TRAPPC9: variants seen among roughly 807,000 people sequenced by gnomAD.
TRAPPC9 encodes IKK2 binding protein.
A neutral mutation model predicts 124.0 loss-of-function variants in TRAPPC9; 83 were observed. That is an observed-to-expected ratio of 0.67 (90% CI 0.56 to 0.80). The LOEUF is 0.80. Ranked by LOEUF, TRAPPC9 falls within the 30% of genes least tolerant of loss-of-function variation. The pLI, the probability that TRAPPC9 is intolerant of heterozygous loss-of-function variation, is 0.00. For missense variants in TRAPPC9, 1,302 were observed against 1,508.3 expected (o/e 0.86, Z 2.27); for synonymous variants, 638 against 617.5 (o/e 1.03, Z -0.49).
intron 5 of TRAPPC9, among the ~76,000 whole-genome samples, chr8:140,413,852 A>G (rs1046967339): frequency 1.3e-5 from 2 of 151,654 alleles, no homozygotes; most frequent in Non-Finnish European, 2.9e-5. Context: ...ATCATTTTTT[A>G]TGGCTGCATA....
At chr8:140,426,771 A>T in intron 4 of TRAPPC9, 130 bp from the exon 5 acceptor site, 3 of 855,414 alleles carry the variant, frequency 3.5e-6, no homozygotes, top group Non-Finnish European at 5.8e-6. Context: ...CAGAAAAGCA[A>T]TTCTGAGGAA....
At chr8:139,780,461 AC>A (rs1821727168) in intron 21 of TRAPPC9, among the ~76,000 whole-genome samples, 1 of 152,226 alleles carries the variant, frequency 6.6e-6, no homozygotes, top group East Asian at 1.9e-4. Flanking sequence ...TGCTGGAACA[AC>A]TGGACATCCA....
chr8:140,458,074 G>A (rs1248771710), upstream of TRAPPC9, among the ~76,000 whole-genome samples: 1 of 111,322 alleles, frequency 9.0e-6, no homozygotes, highest in Non-Finnish European at 1.9e-5. Context: ...AGAAGCGGGG[G>A]ACAGGGAGAG....
intron 21 of TRAPPC9, among the ~76,000 whole-genome samples, chr8:139,736,082 T>C (rs1818146301): frequency 6.6e-6 from 1 of 152,206 alleles, no homozygotes; most frequent in Non-Finnish European, 1.5e-5. Flanking sequence ...ACTGGGATGA[T>C]GATCTTGACC....
chr8:140,028,252 T>A (rs972979110), intron 17 of TRAPPC9, among the ~76,000 whole-genome samples: 1 of 152,202 alleles, frequency 6.6e-6, no homozygotes, highest in African/African-American at 2.4e-5. Context: ...CTTCATAAGA[T>A]GTTCCCATCT....
Position 140,269,962 on chromosome 8 carries a change from T to G in TRAPPC9, c.2278+5696A>C, listed in dbSNP as rs187862094. Among the ~76,000 whole-genome samples, 73 of 152,202 alleles carry G rather than the reference T, an allele frequency of 4.8e-4. No individual in the cohort carries two copies. In the East Asian group the frequency reaches 8.5e-3, roughly 18 times the overall value. The stretch of plus-strand genomic sequence containing the variant: ...AAAAATACAAAAAATTAGCCAGGCA[T>G]GGTGGCAGGCACCTGTAATCCCAGT... On this transcript the variant is annotated intron_variant, in intron 15 of 22. Coordinates refer to ENST00000438773, the MANE Select transcript of TRAPPC9 (RefSeq NM_001160372.4).
chr8:139,954,283 T>C (rs1266967159), intron 19 of TRAPPC9, among the ~76,000 whole-genome samples: 1 of 152,204 alleles, frequency 6.6e-6, no homozygotes, highest in Non-Finnish European at 1.5e-5. Flanking sequence ...TAGTTTTTAG[T>C]ATGTCAATTT....
At chr8:140,293,168 C>T (rs1376351208) in intron 11 of TRAPPC9, among the ~76,000 whole-genome samples, 1 of 147,570 alleles carries the variant, frequency 6.8e-6, no homozygotes, top group Non-Finnish European at 1.5e-5. Flanking sequence ...CAATGAGATA[C>T]CATCTCACAC....
chr8:139,800,485 T>G (rs1486196473), intron 21 of TRAPPC9, among the ~76,000 whole-genome samples: 1 of 152,184 alleles, frequency 6.6e-6, no homozygotes, highest in Non-Finnish European at 1.5e-5. Flanking sequence ...ACCAGCTGCT[T>G]TCTGGGTCGC....
chr8:140,405,401 T>C, intron 6 of TRAPPC9, 176 bp downstream of exon 6: 1 of 671,512 alleles, frequency 1.5e-6, no homozygotes, highest in Non-Finnish European at 2.4e-6. Context: ...CCTACACTGT[T>C]TTGAATCAGA....
At chr8:140,219,274 C>T (rs1247290697) in intron 17 of TRAPPC9, among the ~76,000 whole-genome samples, 3 of 152,244 alleles carry the variant, frequency 2.0e-5, no homozygotes, top group Non-Finnish European at 4.4e-5. Context: ...GCTTCCTCAG[C>T]GCTGCCGGAG....
In TRAPPC9 at chr8:140,353,204, T is replaced by C. The variant is rs1480321698; in HGVS notation, c.1495+6846A>G. On this transcript the variant is annotated intron_variant, in intron 9 of 22. Transcript: ENST00000438773. The surrounding 1 kb of genome is among the most constrained non-coding windows in gnomAD (Gnocchi z 4.2). The stretch of plus-strand genomic sequence containing the variant: ...CCATCTATACTCTAGCGTGAGAACA[T>C]CACACTCCCTGCCATCCTAACCTGG... Among the ~76,000 whole-genome samples, 1 of 152,112 alleles carries C rather than the reference T, an allele frequency of 6.6e-6. No homozygotes were observed. Among genetic ancestry groups the C allele is most frequent in the African/African-American group, 2.4e-5 (1 of 41,416 alleles).
chr8:140,052,359 G>A (rs1209077572), intron 17 of TRAPPC9, among the ~76,000 whole-genome samples: 8 of 152,166 alleles, frequency 5.3e-5, no homozygotes, highest in Admixed American at 2.0e-4. Flanking sequence ...AGTAATGGCC[G>A]GGCATGAGGG....
intron 6 of TRAPPC9, among the ~76,000 whole-genome samples, chr8:140,403,865 C>G (rs2069369725): frequency 6.6e-6 from 1 of 151,916 alleles, no homozygotes; most frequent in Admixed American, 6.6e-5. Context: ...ACCATGTTGC[C>G]CGGGGTGGTC....
intron 8 of TRAPPC9, among the ~76,000 whole-genome samples, chr8:140,365,822 G>C (rs76437247): frequency 7.0e-4 from 106 of 152,328 alleles, no homozygotes; most frequent in Middle Eastern, 6.8e-3. Flanking sequence ...GGTTACACTG[G>C]TAAACGTGTT....
At chr8:139,939,164 C>T (rs1298042895) in intron 19 of TRAPPC9, among the ~76,000 whole-genome samples, 1 of 152,198 alleles carries the variant, frequency 6.6e-6, no homozygotes, top group Non-Finnish European at 1.5e-5. Context: ...CCATACTTCG[C>T]TAAGGGCTAT....
At chr8:140,333,354 T>C (rs1474911321) in intron 9 of TRAPPC9, among the ~76,000 whole-genome samples, 3 of 152,214 alleles carry the variant, frequency 2.0e-5, no homozygotes, top group East Asian at 3.8e-4. Context: ...GATATAGATA[T>C]AGATGTAGAT....
chr8:139,846,244 C>T (rs540951591), intron 21 of TRAPPC9, among the ~76,000 whole-genome samples: 1 of 152,260 alleles, frequency 6.6e-6, no homozygotes, highest in African/African-American at 2.4e-5. Flanking sequence ...TGGCTCCCCA[C>T]TGAACCCGAT....
At chr8:140,282,648 G>A (rs1438456766) in intron 14 of TRAPPC9, among the ~76,000 whole-genome samples, 1 of 151,902 alleles carries the variant, frequency 6.6e-6, no homozygotes, top group African/African-American at 2.4e-5. Flanking sequence ...TCTTTATGAT[G>A]CGCTTTGTTG....
Sources: gnomAD v4.1 joint callset for allele counts (sites outside exome capture counted in the v4.1 genomes callset) on GRCh38, gnomAD v4.1.1 for gene constraint, Gnocchi (gnomAD v3.1) non-coding constraint, MANE v1.5 for transcripts, NCBI Gene and HGNC (gene_info 2026-07-23, HGNC 2026-07-21) for gene names.